The following KCNT1 variants were observed in gnomAD, a reference collection of about 807,000 sequenced individuals.
The protein encoded by KCNT1 is potassium sodium-activated channel subfamily T member 1.
A neutral mutation model predicts 147.8 loss-of-function variants in KCNT1; 78 were observed. That is an observed-to-expected ratio of 0.53 (90% CI 0.44 to 0.64). The LOEUF (loss-of-function observed/expected upper bound fraction) is 0.64. KCNT1 is among the 30% of genes least tolerant of loss of function. KCNT1 has a pLI of 0.00. For synonymous variants in KCNT1, 867 were observed against 748.8 expected (o/e 1.16, Z -2.58); for missense variants, 1,419 against 1,750.3 (o/e 0.81, Z 3.38).
At chr9:135,771,586 C>G (rs562824526) in intron 18 of KCNT1, among the ~76,000 whole-genome samples, 4 of 152,220 alleles carry the variant, frequency 2.6e-5, no homozygotes, top group African/African-American at 7.2e-5. Context: ...CTCAAACAGT[C>G]GGGAGTCCTG....
intron 2 of KCNT1, among the ~76,000 whole-genome samples, chr9:135,749,239 T>C (rs1156633837): frequency 6.6e-6 from 1 of 152,110 alleles, no homozygotes; most frequent in Non-Finnish European, 1.5e-5. Flanking sequence ...CCAGGCTCCA[T>C]CCTACTCTTG....
rs1831233082 is a variant in KCNT1 at position 135,752,500 on chromosome 9, G to C, written c.435-1437G>C. On this transcript the variant is annotated intron_variant, in intron 4 of 30. Coordinates refer to ENST00000371757, the MANE Select transcript of KCNT1 (RefSeq NM_020822.3). The surrounding 1 kb of genome is among the most constrained non-coding windows in gnomAD (Gnocchi z 5.1). ...GTCCCAGGGTCCCCTGGGGCTTCTGGTTTCACATCCCCACAGGGCCCAAGT... is the reference window on the plus strand; with the variant it reads ...GTCCCAGGGTCCCCTGGGGCTTCTGCTTTCACATCCCCACAGGGCCCAAGT... 4.4e-6 allele frequency: 2 copies of C among 453,854 alleles called. No individual in the cohort carries two copies. The highest frequency in any genetic ancestry group is 2.0e-5 in the African/African-American group (1 of 49,826). 28.1% of individuals were successfully genotyped at this position (453,854 alleles called of 1,614,324 possible).
At chr9:135,748,727 G>A (rs7851487) in intron 2 of KCNT1, among the ~76,000 whole-genome samples, 80,836 of 152,122 alleles carry the variant, frequency 0.53, 21,746 homozygotes, top group Admixed American at 0.57. Context: ...TCCAGGCTCC[G>A]CTGTCTGTCT....
chr9:135,759,640 C>A (rs1346411166), intron 10 of KCNT1, 39 bp from the exon 11 acceptor site: 2 of 1,559,062 alleles, frequency 1.3e-6, no homozygotes, highest in African/African-American at 2.7e-5. Flanking sequence ...CCCCCCAGCT[C>A]CTGGGCCCCA....
chr9:135,784,255 G>A, intron 25 of KCNT1, 130 bp downstream of exon 25: 1 of 776,866 alleles, frequency 1.3e-6, no homozygotes, highest in East Asian at 2.6e-5. Flanking sequence ...ATTCCAAGGA[G>A]ACCTCTGGGC....
intron 2 of KCNT1, among the ~76,000 whole-genome samples, chr9:135,721,326 C>T (rs751788078): frequency 6.6e-6 from 1 of 152,192 alleles, no homozygotes; most frequent in Non-Finnish European, 1.5e-5. Flanking sequence ...TTATATTTAA[C>T]ATTCTGCCCG....
chr9:135,788,531 C>G (rs1337917847), intron 29 of KCNT1, among the ~76,000 whole-genome samples: 1 of 152,246 alleles, frequency 6.6e-6, no homozygotes, highest in Non-Finnish European at 1.5e-5. Flanking sequence ...CCAGCCCTTC[C>G]CTGTGGCCGG....
intron 1 of KCNT1, among the ~76,000 whole-genome samples, chr9:135,706,148 T>C (rs1835246172): frequency 6.6e-6 from 1 of 152,190 alleles, no homozygotes; most frequent in African/African-American, 2.4e-5. Flanking sequence ...TTTCCTCATC[T>C]GTAGAATGGG....
At position 135,714,436 on chromosome 9, in the gene KCNT1, C is replaced by G. The variant is rs934870568; in HGVS notation, c.111-141C>G. 3.2e-5 allele frequency: 11 copies of G among 344,766 alleles called. No homozygotes were observed. The highest frequency in any genetic ancestry group is 2.5e-4 in the African/African-American group (11 of 44,004). The allele number at this position is 344,766 out of a possible 1,614,324, so 21.4% of individuals were successfully genotyped here. ...CCGCCCGCATGTGCCGCCAGGCCCG[C>G]CCCCGCCCGGCCGCCCGCCCGCCCG... On this transcript the variant is annotated intron_variant, in intron 1 of 30. Coordinates refer to ENST00000371757, the MANE Select transcript of KCNT1 (RefSeq NM_020822.3). The surrounding 1 kb of genome is among the most constrained non-coding windows in gnomAD (Gnocchi z 6.2).
intron 2 of KCNT1, among the ~76,000 whole-genome samples, chr9:135,734,626 G>A (rs1288808098): frequency 1.3e-5 from 2 of 152,276 alleles, no homozygotes; most frequent in Non-Finnish European, 1.5e-5. Context: ...CAAAGGCCAC[G>A]AGTAAGTGAA....
Position 135,786,622 on chromosome 9 carries a change from T to C in KCNT1, c.3502+101T>C, listed in dbSNP as rs1588409018. 7 of 1,092,526 alleles carry C rather than the reference T, an allele frequency of 6.4e-6. No homozygotes were observed. The East Asian group carries it at 1.7e-4, about 27-fold the overall frequency. The allele number at this position is 1,092,526 out of a possible 1,614,324, so 67.7% of individuals were successfully genotyped here. ...CCACGGCGTCCCGGGGCCCGGGCCG[T>C]CCTCCTGTCTGTCATCTGTCTGTCT... is the stretch of plus-strand genomic sequence containing the variant. On this transcript the variant is annotated intron_variant, in intron 29 of 30. Transcript: ENST00000371757.
rs773874266 is a variant in KCNT1 at position 135,702,274 on chromosome 9, G to A, written c.16G>A (p.Gly6Arg). The change falls in exon 1 of 31, where the codon GGG becomes AGG. Residue 6 changes from glycine (G) to arginine (R), a missense_variant. Transcript: ENST00000371757. The part of the protein sequence containing the change: MPLPD[G>R]ARTPGGVCRE... ...GCCAGGCCGCATGCCACTCCCTGAC[G>A]GGGCGCGGACCCCGGGGGGCGTCTG... 5.0e-6 allele frequency: 8 copies of A among 1,608,618 alleles called. No homozygotes were observed. In the African/African-American group the frequency reaches 6.7e-5, roughly 13 times the overall value.
In KCNT1 at chr9:135,757,199, A is replaced by G; in HGVS notation, c.644A>G (p.Glu215Gly). Reference protein sequence around the residue: ...EQIFRVSFVLEMINTLPFIIT... With the variant: ...EQIFRVSFVLGMINTLPFIIT... ...ATCTTCCGCGTGTCCTTCGTCCTGG[A>G]GATGATCAACACTCTGCCCTTCATC... Residue 215 changes from glutamate to glycine, a missense_variant, in exon 8 of 31, where the codon GAG (glutamate) becomes GGG (glycine). Transcript: ENST00000371757. 6.3e-7 allele frequency: 1 copy of G among 1,592,182 alleles called. No individual in the cohort carries two copies.
chr9:135,773,018 C>G (rs550243198), intron 19 of KCNT1, 69 bp downstream of exon 19: 9 of 1,108,088 alleles, frequency 8.1e-6, no homozygotes, highest in South Asian at 7.4e-5. Flanking sequence ...GGATGGGTGT[C>G]GGAGCATCCT....
intron 2 of KCNT1, among the ~76,000 whole-genome samples, chr9:135,747,290 T>C (rs1307066696): frequency 6.7e-6 from 1 of 149,314 alleles, no homozygotes; most frequent in African/African-American, 2.5e-5. Context: ...GCAAGTGAGG[T>C]GAGCAGACCC....
Position 135,743,865 on chromosome 9 carries a change from C to A in KCNT1, c.255-6233C>A, listed in dbSNP as rs138052891. ...GCCCAAGGGTGTCAAAACAGGGACCCCAGGGGGACGGAGACATGTGTGTGC... is the reference window on the plus strand; with the variant it reads ...GCCCAAGGGTGTCAAAACAGGGACCACAGGGGGACGGAGACATGTGTGTGC... On this transcript the variant is annotated intron_variant, in intron 2 of 30. Transcript: ENST00000371757. Among the ~76,000 whole-genome samples, 304 of 152,356 alleles carry A rather than the reference C, an allele frequency of 2.0e-3. 1 individual carries two copies. In the East Asian group the frequency reaches 0.022, roughly 11 times the overall value.
Position 135,747,404 on chromosome 9 carries a change from C to T in KCNT1, c.255-2694C>T, listed in dbSNP as rs1214858711. On this transcript the variant is annotated intron_variant, in intron 2 of 30. Coordinates refer to ENST00000371757, the MANE Select transcript of KCNT1 (RefSeq NM_020822.3). ...TTAGGGCCCGGTGGTCCCTGGGTAC[C>T]GCCGGCAGTGAGGGGAGGAGGGCCT... Among the ~76,000 whole-genome samples the T allele has an allele frequency of 3.9e-5, 6 of 151,962 alleles. No homozygotes were observed. In the South Asian group the frequency reaches 6.2e-4, roughly 16 times the overall value.
intron 29 of KCNT1, among the ~76,000 whole-genome samples, chr9:135,788,709 A>C (rs562121897): frequency 1.1e-4 from 16 of 152,242 alleles, no homozygotes; most frequent in African/African-American, 3.9e-4. Flanking sequence ...GGCCAGGTGG[A>C]TGGTGACCTT....
intron 6 of KCNT1, among the ~76,000 whole-genome samples, chr9:135,756,204 G>A (rs1383837589): frequency 6.6e-6 from 1 of 152,230 alleles, no homozygotes; most frequent in Non-Finnish European, 1.5e-5. Flanking sequence ...CCCAGGTTCA[G>A]TGAGTGCTGA....
Sources: allele counts gnomAD v4.1 joint callset (sites outside exome capture counted in the v4.1 genomes callset), GRCh38; gene constraint gnomAD v4.1.1; non-coding constraint Gnocchi (gnomAD v3.1); transcripts MANE v1.5; gene names NCBI Gene and HGNC (gene_info 2026-07-23, HGNC 2026-07-21).